Variants in DLGAP2 observed in about 807,000 individuals in gnomAD.
DLGAP2 encodes the protein DLG associated protein 2.
DLGAP2 carries 26 observed loss-of-function variants against 100.3 expected under a neutral mutation model. That is an observed-to-expected ratio of 0.26 (90% CI 0.19 to 0.36). DLGAP2 has a LOEUF of 0.36. DLGAP2 is among the 10% of genes least tolerant of loss of function. DLGAP2 has a pLI of 1.00. For synonymous variants in DLGAP2, 886 were observed against 630.1 expected (o/e 1.41, Z -6.08); for missense variants, 1,858 against 1,453.2 (o/e 1.28, Z -4.53).
intron 2 of DLGAP2, chr8:1,250,433 C>G (rs1350666964): frequency 6.6e-6 from 1 of 152,162 alleles, no homozygotes; most frequent in Non-Finnish European, 1.5e-5. Flanking sequence ...TGGAGCAACA[C>G]TAGGACCGTG....
At chr8:1,473,112 G>T (rs533287906) in intron 3 of DLGAP2, among the ~76,000 whole-genome samples, 2 of 152,174 alleles carry the variant, frequency 1.3e-5, no homozygotes, top group Admixed American at 1.3e-4. Flanking sequence ...GGTATTTTTA[G>T]TAGAGACAGC....
rs149364219 is a variant in DLGAP2, at chr8:1,455,866, G to T, written c.107-45500G>T. On this transcript the variant is annotated intron_variant, in intron 3 of 14. Transcript: ENST00000637795. ...ACCACAGACTCCAGGACGGCAGGCGGTCGGTCTGTCTTGTTCACTGTCTCG... is the reference window on the plus strand; with the variant it reads ...ACCACAGACTCCAGGACGGCAGGCGTTCGGTCTGTCTTGTTCACTGTCTCG... Among the ~76,000 whole-genome samples, 625 of 152,310 alleles carry T rather than the reference G, an allele frequency of 4.1e-3. 3 individuals carry two copies. Among genetic ancestry groups the T allele is most frequent in the African/African-American group, 0.014 (578 of 41,576 alleles).
At chr8:1,437,169 A>G (rs113674679) in intron 3 of DLGAP2, among the ~76,000 whole-genome samples, 1,252 of 105,484 alleles carry the variant, frequency 0.012, 53 homozygotes, top group African/African-American at 0.026. Flanking sequence ...CAGGCGCGTA[A>G]GGGTGACGCC....
chr8:910,316 A>C (rs751970228), intron 2 of DLGAP2: 16 of 152,244 alleles, frequency 1.1e-4, no homozygotes, highest in Non-Finnish European at 2.2e-4. Flanking sequence ...TGAATTAAAC[A>C]TGGCTGCTTG....
In DLGAP2 at chr8:842,441, C is replaced by G. The variant is rs147591129; in HGVS notation, c.19-65471C>G. Among the ~76,000 whole-genome samples the G allele has an allele frequency of 3.8e-3, 576 of 152,302 alleles. 7 individuals are homozygous for G. The highest frequency in any genetic ancestry group is 0.013 in the African/African-American group (549 of 41,554). On this transcript the variant is annotated intron_variant, in intron 1 of 14. Transcript: ENST00000637795. ...CAGGCACGTGCTTGAATCTGTTTCC[C>G]TTAAAAGTAACTCATCTTTCTGTCT...
intron 8 of DLGAP2, among the ~76,000 whole-genome samples, chr8:1,665,020 G>C (rs1301532980): frequency 6.6e-6 from 1 of 152,144 alleles, no homozygotes; most frequent in Non-Finnish European, 1.5e-5. Context: ...AGTGTGGCAT[G>C]CAACTACATT....
At chr8:1,095,603 C>T (rs1158446313) in intron 2 of DLGAP2, among the ~76,000 whole-genome samples, 2 of 152,136 alleles carry the variant, frequency 1.3e-5, no homozygotes, top group Admixed American at 6.5e-5. Context: ...TCAAAGTAAA[C>T]CATTTTCCGA....
intron 6 of DLGAP2, among the ~76,000 whole-genome samples, chr8:1,579,319 A>C (rs1803128944): frequency 1.3e-5 from 2 of 152,180 alleles, no homozygotes; most frequent in Non-Finnish European, 2.9e-5. Context: ...ATATACACAC[A>C]CATATATGTG....
intron 3 of DLGAP2, among the ~76,000 whole-genome samples, chr8:1,469,484 C>A (rs995027528): frequency 5.9e-5 from 9 of 152,220 alleles, no homozygotes; most frequent in Non-Finnish European, 1.3e-4. Context: ...GGAGAGGTTT[C>A]TTCGGAAGCT....
At chr8:1,040,071 T>TGCG (rs1802282094) in intron 2 of DLGAP2, among the ~76,000 whole-genome samples, 1 of 147,340 alleles carries the variant, frequency 6.8e-6, no homozygotes, top group African/African-American at 2.5e-5. Context: ...GTCAGCTCGG[T>TGCG]TTCCGTGGTC....
intron 3 of DLGAP2, among the ~76,000 whole-genome samples, chr8:1,361,405 CA>C (rs1466742774): frequency 7.9e-5 from 12 of 152,166 alleles, no homozygotes; most frequent in African/African-American, 2.9e-4. Context: ...CAAATAAAAA[CA>C]AACAGAAATC....
At chr8:953,129 G>A (rs1288278658) in intron 2 of DLGAP2, among the ~76,000 whole-genome samples, 1 of 152,162 alleles carries the variant, frequency 6.6e-6, no homozygotes, top group African/African-American at 2.4e-5. Flanking sequence ...AGCCTTTAAA[G>A]TTTTGGAAAG....
intron 3 of DLGAP2, among the ~76,000 whole-genome samples, chr8:1,316,015 AG>A (rs1800734352): frequency 1.5e-5 from 2 of 129,442 alleles, no homozygotes; most frequent in Admixed American, 1.7e-4. Context: ...TCTCTCCAAC[AG>A]TGGTCTACAC....
chr8:1,680,298 T>C (rs73547769), intron 12 of DLGAP2, among the ~76,000 whole-genome samples: 4,366 of 152,340 alleles, frequency 0.029, 192 homozygotes, highest in African/African-American at 0.098. Context: ...CATTTCTAGA[T>C]GGCTGTTTTA....
At chr8:860,085 A>G (rs1194397731) in intron 1 of DLGAP2, among the ~76,000 whole-genome samples, 1 of 152,230 alleles carries the variant, frequency 6.6e-6, no homozygotes, top group Non-Finnish European at 1.5e-5. Flanking sequence ...TTTCCAAATT[A>G]AAGAAATAAG....
At chr8:743,269 G>A (rs1188916643) in intron 1 of DLGAP2, among the ~76,000 whole-genome samples, 5 of 152,288 alleles carry the variant, frequency 3.3e-5, no homozygotes, top group Middle Eastern at 3.4e-3. Flanking sequence ...CTTCCAGGGA[G>A]TCAAGTCAAC....
intron 14 of DLGAP2, among the ~76,000 whole-genome samples, chr8:1,697,776 C>T (rs562527993): frequency 5.4e-4 from 82 of 152,272 alleles, no homozygotes; most frequent in African/African-American, 1.7e-3. Context: ...CATTTTATAC[C>T]TTATTGAACC....
chr8:1,687,926 A>C (rs574905192), intron 12 of DLGAP2, among the ~76,000 whole-genome samples: 124 of 152,226 alleles, frequency 8.1e-4, no homozygotes, highest in Admixed American at 9.2e-4. Flanking sequence ...CCCAGGTTTT[A>C]GAATACAAAA....
chr8:1,183,365 A>T (rs948182306), intron 2 of DLGAP2, among the ~76,000 whole-genome samples: 2 of 152,220 alleles, frequency 1.3e-5, no homozygotes, highest in Admixed American at 1.3e-4. Flanking sequence ...CTTTTAGATT[A>T]TAGATGTGGC....
Sources: gnomAD v4.1 joint callset for allele counts (sites outside exome capture counted in the v4.1 genomes callset) on GRCh38, gnomAD v4.1.1 for gene constraint, MANE v1.5 for transcripts, NCBI Gene and HGNC (gene_info 2026-07-23, HGNC 2026-07-21) for gene names.